Variants in RGS17 observed in about 807,000 individuals in gnomAD.
RGS17 encodes the protein regulator of G-protein signaling 17.
In RGS17, 12 loss-of-function variants were observed where a neutral mutation model predicts 25.5. That is an observed-to-expected ratio of 0.47 (90% CI 0.30 to 0.76). The LOEUF is 0.76. Among genes scored for constraint, RGS17 ranks in the 30% least tolerant of loss-of-function variants. The probability of loss-of-function intolerance (pLI) is 0.07; values close to 1 mark genes in which losing one functional copy is unlikely to be tolerated. For missense variants in RGS17, 196 were observed against 242.2 expected, an observed-to-expected ratio of 0.81 and a Z score of 1.27; for synonymous variants, 71 against 76.9, an observed-to-expected ratio of 0.92 and a Z score of 0.40.
Position 153,008,343 on chromosome 6 carries a change from A to G in RGS17, c.*3231T>C, listed in dbSNP as rs1164431620. ...TTTTAAGATTTCAAAAAAAAAAAAC[A>G]TCACATTATGGTCTTGACTTCTGCA... On this transcript the variant is annotated 3_prime_UTR_variant, in exon 5 of 5. Coordinates refer to ENST00000206262, the MANE Select transcript of RGS17 (RefSeq NM_012419.5). 2 of 150,826 alleles carry G rather than the reference A, an allele frequency of 1.3e-5. No homozygotes were observed. Among genetic ancestry groups the G allele is most frequent in the Non-Finnish European group, 3.0e-5 (2 of 67,756 alleles). The allele number at this position is 150,826 out of a possible 1,614,324, so 9.3% of individuals were successfully genotyped here.
chr6:153,094,759 CTTTT>C (rs1281907066), intron 1 of RGS17, among the ~76,000 whole-genome samples: 2 of 152,256 alleles, frequency 1.3e-5, no homozygotes, highest in East Asian at 3.9e-4. Flanking sequence ...CTCTTTCTTT[CTTTT>C]CCCTTCCTCA....
chr6:153,081,695 A>G (rs9478386), intron 1 of RGS17, among the ~76,000 whole-genome samples: 79,226 of 151,630 alleles, frequency 0.52, 21,116 homozygotes, highest in Non-Finnish European at 0.57. Context: ...CTGTGCTATT[A>G]TTGTTTTACA....
chr6:153,054,092 T>TATATATATATGTA (rs1393844507), intron 1 of RGS17, among the ~76,000 whole-genome samples: 11 of 42,078 alleles, frequency 2.6e-4, no homozygotes, highest in Admixed American at 3.9e-4. Context: ...ACAATATTTT[T>TATATATATATGTA]TATATATATA....
At chr6:153,125,492 T>C (rs535517462) in intron 1 of RGS17, among the ~76,000 whole-genome samples, 2 of 152,338 alleles carry the variant, frequency 1.3e-5, no homozygotes, top group South Asian at 2.1e-4. Context: ...GCTTCTCCTA[T>C]AGGGACCTCC....
At chr6:153,094,810 T>C (rs1719791843) in intron 1 of RGS17, among the ~76,000 whole-genome samples, 2 of 152,184 alleles carry the variant, frequency 1.3e-5, no homozygotes, top group South Asian at 2.1e-4. Context: ...AGGGCTTTTA[T>C]ACCTTCTTTC....
chr6:153,069,269 C>G (rs533334365), intron 1 of RGS17, among the ~76,000 whole-genome samples: 1 of 152,166 alleles, frequency 6.6e-6, no homozygotes, highest in African/African-American at 2.4e-5. Flanking sequence ...AATATTCAGC[C>G]ATAAAAAGAA....
intron 2 of RGS17, among the ~76,000 whole-genome samples, chr6:153,040,758 TA>T (rs1727457306): frequency 6.6e-6 from 1 of 152,016 alleles, no homozygotes; most frequent in South Asian, 2.1e-4. Flanking sequence ...AAAATAATAA[TA>T]TTTTAAAAAC....
intron 1 of RGS17, among the ~76,000 whole-genome samples, chr6:153,101,667 G>A (rs961774075): frequency 6.6e-6 from 1 of 152,124 alleles, no homozygotes; most frequent in African/African-American, 2.4e-5. Context: ...CCCACATGTT[G>A]AGGGAGGGGT....
chr6:153,093,744 T>C (rs561207246), intron 1 of RGS17, among the ~76,000 whole-genome samples: 3 of 152,158 alleles, frequency 2.0e-5, no homozygotes, highest in East Asian at 1.9e-4. Flanking sequence ...GGGATTAATA[T>C]ACAATAAATT....
intron 2 of RGS17, among the ~76,000 whole-genome samples, chr6:153,041,292 CA>C (rs1403276001): frequency 1.3e-5 from 2 of 152,120 alleles, no homozygotes; most frequent in African/African-American, 4.8e-5. Context: ...CTCAGGCATC[CA>C]ATGTTCATTG....
At chr6:153,100,336 A>AT (rs1204235490) in intron 1 of RGS17, among the ~76,000 whole-genome samples, 1 of 152,138 alleles carries the variant, frequency 6.6e-6, no homozygotes, top group Non-Finnish European at 1.5e-5. Flanking sequence ...GAAACTTGTT[A>AT]TTTCTCCCAG....
intron 1 of RGS17, among the ~76,000 whole-genome samples, chr6:153,053,968 C>T (rs12192334): frequency 5.5e-4 from 23 of 41,592 alleles, no homozygotes; most frequent in Admixed American, 1.2e-3. Context: ...ATATTATATA[C>T]ATATATATGT....
chr6:153,083,951 T>C (rs1240956062), intron 1 of RGS17, among the ~76,000 whole-genome samples: 1 of 152,232 alleles, frequency 6.6e-6, no homozygotes, highest in African/African-American at 2.4e-5. Context: ...AAATCTCATT[T>C]TATGAAATAG....
chr6:153,028,403 G>A (rs1172668461), intron 2 of RGS17, among the ~76,000 whole-genome samples: 1 of 152,184 alleles, frequency 6.6e-6, no homozygotes, highest in Non-Finnish European at 1.5e-5. Context: ...GAGGAATTCA[G>A]AGACAGTGCA....
intron 1 of RGS17, among the ~76,000 whole-genome samples, chr6:153,119,793 A>G (rs1777599330): frequency 6.6e-6 from 1 of 152,230 alleles, no homozygotes; most frequent in Non-Finnish European, 1.5e-5. Flanking sequence ...AAGAGCTAAG[A>G]CACATTGAAT....
chr6:153,112,661 G>T (rs1403314150), intron 1 of RGS17, among the ~76,000 whole-genome samples: 5 of 152,200 alleles, frequency 3.3e-5, no homozygotes. Flanking sequence ...AAATGTTAAG[G>T]GCAGCCAGAG....
intron 1 of RGS17, among the ~76,000 whole-genome samples, chr6:153,079,435 T>C (rs981936180): frequency 1.3e-5 from 2 of 152,364 alleles, no homozygotes; most frequent in Middle Eastern, 3.4e-3. Context: ...ACCACTGTTG[T>C]GGTGTTTGCT....
intron 2 of RGS17, among the ~76,000 whole-genome samples, chr6:153,033,590 C>T (rs886679424): frequency 3.3e-5 from 5 of 151,982 alleles, no homozygotes; most frequent in South Asian, 4.2e-4. Context: ...TAGTGGCGTG[C>T]GCCTGTAGCC....
intron 3 of RGS17, 64 bp downstream of exon 3, chr6:153,026,390 C>T: frequency 1.7e-6 from 2 of 1,150,646 alleles, no homozygotes; most frequent in Admixed American, 1.8e-5. Flanking sequence ...AATACTGAGG[C>T]ACGCAGTTGA....
Sources: gnomAD v4.1 joint callset for allele counts (sites outside exome capture counted in the v4.1 genomes callset) on GRCh38, gnomAD v4.1.1 for gene constraint, MANE v1.5 for transcripts, NCBI Gene and HGNC (gene_info 2026-07-23, HGNC 2026-07-21) for gene names.